Variants in PCDHGA2 observed in about 807,000 individuals in gnomAD.
PCDHGA2 encodes the protein protocadherin gamma subfamily A, 2.
A neutral mutation model predicts 59.2 loss-of-function variants in PCDHGA2; 40 were observed. The ratio of observed to expected loss-of-function variants is 0.68; its 90% CI spans 0.52 to 0.88. PCDHGA2 has a LOEUF of 0.88. Ranked by LOEUF, PCDHGA2 falls within the 40% of genes least tolerant of loss-of-function variation. The pLI is 0.00. For synonymous variants in PCDHGA2, 560 were observed against 526.0 expected (o/e 1.06, Z -0.89); for missense variants, 1,226 against 1,204.0 (o/e 1.02, Z -0.27).
At chr5:141,419,761 C>A in intron 1 of PCDHGA2, 1 of 1,614,008 alleles carries the variant, frequency 6.2e-7, no homozygotes, top group South Asian at 1.1e-5. Context: ...CTTTGGGTGA[C>A]AAGGACTCGG....
chr5:141,352,578 C>T (rs777353381), intron 1 of PCDHGA2: 22 of 1,613,822 alleles, frequency 1.4e-5, no homozygotes, highest in Admixed American at 1.7e-5. Flanking sequence ...ATGGCTCCCC[C>T]TCAGGATCTG....
At chr5:141,361,308 G>A (rs1442335405) in intron 1 of PCDHGA2, 3 of 1,613,964 alleles carry the variant, frequency 1.9e-6, no homozygotes, top group East Asian at 2.2e-5. Flanking sequence ...GAAATGCCAA[G>A]TTTATTTTGA....
At chr5:141,450,627 C>G (rs947866993) in intron 1 of PCDHGA2, among the ~76,000 whole-genome samples, 1 of 151,592 alleles carries the variant, frequency 6.6e-6, no homozygotes, top group African/African-American at 2.4e-5. Context: ...GCTGGGATTA[C>G]AGATGCCTGC....
At chr5:141,419,959 T>C (rs765017440) in intron 1 of PCDHGA2, 5 of 1,614,104 alleles carry the variant, frequency 3.1e-6, no homozygotes, top group Non-Finnish European at 3.4e-6. Flanking sequence ...CCTTGATTTC[T>C]GTGCTCTTTC....
chr5:141,370,355 C>A, intron 1 of PCDHGA2: 3 of 1,508,892 alleles, frequency 2.0e-6, no homozygotes, highest in Non-Finnish European at 1.8e-6. Flanking sequence ...TAAAGATCTC[C>A]TCTCCTCGGA....
Position 141,487,687 on chromosome 5 carries a change from A to G in PCDHGA2, c.2425-7120A>G, listed in dbSNP as rs750431854. ...CAGGCATATGGCTAGGCCATGTCCTAGAGAGTACTGGCCTCTCAGTAAGTG... is the reference window on the plus strand; with the variant it reads ...CAGGCATATGGCTAGGCCATGTCCTGGAGAGTACTGGCCTCTCAGTAAGTG... On this transcript the variant is annotated intron_variant, in intron 1 of 3. Transcript: ENST00000394576. This position sits in a 1 kb window ranked among gnomAD's most constrained non-coding sequence, Gnocchi z 5.0. The G allele has an allele frequency of 1.9e-6, 3 of 1,606,256 alleles. No individual in the cohort carries two copies. The highest frequency in any genetic ancestry group is 3.4e-5 in the Admixed American group (2 of 58,832).
At position 141,487,339 on chromosome 5, in the gene PCDHGA2, A is replaced by T; in HGVS notation, c.2425-7468A>T. On this transcript the variant is annotated intron_variant, in intron 1 of 3. Coordinates refer to ENST00000394576, the MANE Select transcript of PCDHGA2 (RefSeq NM_018915.4). The surrounding 1 kb of genome is among the most constrained non-coding windows in gnomAD (Gnocchi z 5.0). ...AGTGTCTTCGTGGGGCAGCCTGTGG[A>T]GTCACATGCTTTCCTGCTGGCACCT... The T allele has an allele frequency of 1.9e-6, 3 of 1,614,096 alleles. No individual in the cohort carries two copies. Among genetic ancestry groups the T allele is most frequent in the Non-Finnish European group, 2.5e-6 (3 of 1,180,000 alleles).
chr5:141,447,538 T>C (rs954291961), intron 1 of PCDHGA2, among the ~76,000 whole-genome samples: 4 of 152,204 alleles, frequency 2.6e-5, no homozygotes, highest in Admixed American at 2.6e-4. Context: ...TTGTTGGGTT[T>C]TAATGTTATG....
intron 1 of PCDHGA2, chr5:141,414,676 CA>C (rs779931467): frequency 5.6e-5 from 91 of 1,613,916 alleles, no homozygotes; most frequent in Middle Eastern, 1.6e-4. Context: ...AGACACCATC[CA>C]GGGGGTACCT....
chr5:141,436,487 A>G (rs2097826897), intron 1 of PCDHGA2, among the ~76,000 whole-genome samples: 2 of 152,196 alleles, frequency 1.3e-5, no homozygotes, highest in Non-Finnish European at 2.9e-5. Context: ...GAAGGATAGC[A>G]GCTTTGCAAT....
At chr5:141,421,578 T>C in intron 1 of PCDHGA2, 4 of 1,613,886 alleles carry the variant, frequency 2.5e-6, no homozygotes, top group Non-Finnish European at 3.4e-6. Flanking sequence ...CCTTGAAGAT[T>C]TACGGAGTGG....
At chr5:141,427,008 C>G (rs762510673) in intron 1 of PCDHGA2, 145 of 456,786 alleles carry the variant, frequency 3.2e-4, no homozygotes, top group African/African-American at 2.8e-3. Context: ...AGTTTTTAGC[C>G]AGGATGTATA....
intron 1 of PCDHGA2, chr5:141,419,409 A>G: frequency 6.2e-7 from 1 of 1,613,462 alleles, no homozygotes; most frequent in Non-Finnish European, 8.5e-7. Flanking sequence ...GTGTTCGCGC[A>G]GCGCGCCTTC....
intron 1 of PCDHGA2, chr5:141,421,613 A>T (rs2096587756): frequency 6.2e-7 from 1 of 1,613,720 alleles, no homozygotes; most frequent in Admixed American, 1.7e-5. Context: ...GATATTAATG[A>T]TAACGCCCCC....
intron 1 of PCDHGA2, among the ~76,000 whole-genome samples, chr5:141,362,919 G>A (rs1391703031): frequency 6.6e-6 from 1 of 152,202 alleles, no homozygotes; most frequent in East Asian, 1.9e-4. Flanking sequence ...ATACTTCAGA[G>A]TAAAGAGAGT....
chr5:141,423,506 T>C (rs1242003813), intron 1 of PCDHGA2: 1 of 1,613,808 alleles, frequency 6.2e-7, no homozygotes, highest in African/African-American at 1.3e-5. Context: ...GAGGTCTCTC[T>C]CATTGCGGAC....
chr5:141,350,084 A>C (rs902633584), intron 1 of PCDHGA2: 21 of 441,658 alleles, frequency 4.8e-5, no homozygotes, highest in African/African-American at 8.1e-5. Flanking sequence ...ATTCTGCAGG[A>C]GCGTCAGGCA....
At chr5:141,410,312 C>T (rs754522489) in intron 1 of PCDHGA2, 9 of 1,614,036 alleles carry the variant, frequency 5.6e-6, no homozygotes, top group South Asian at 3.3e-5. Context: ...AGTGCTCTTC[C>T]TCCTCGCCGT....
chr5:141,475,008 T>C (rs1292437400), intron 1 of PCDHGA2, among the ~76,000 whole-genome samples: 1 of 152,258 alleles, frequency 6.6e-6, no homozygotes, highest in Admixed American at 6.5e-5. Flanking sequence ...TGCAGAAAAG[T>C]TAAGGCTCTT....
Sources: allele counts gnomAD v4.1 joint callset (sites outside exome capture counted in the v4.1 genomes callset), GRCh38; gene constraint gnomAD v4.1.1; non-coding constraint Gnocchi (gnomAD v3.1); transcripts MANE v1.5; gene names NCBI Gene and HGNC (gene_info 2026-07-23, HGNC 2026-07-21).